Variants in LAMB1 observed in about 807,000 individuals in gnomAD.
LAMB1 encodes laminin subunit beta-1.
Under a neutral mutation model 222.3 loss-of-function variants are expected in LAMB1, and 121 were observed. The observed-to-expected ratio is 0.54, with a 90% CI of 0.47 to 0.63. The LOEUF is 0.63. Ranked by LOEUF, LAMB1 falls within the 30% of genes least tolerant of loss-of-function variation. The pLI, the probability that LAMB1 is intolerant of heterozygous loss-of-function variation, is 0.00. For synonymous variants in LAMB1, 794 were observed against 807.2 expected (o/e 0.98, Z 0.28); for missense variants, 2,172 against 2,240.8 (o/e 0.97, Z 0.62).
intron 21 of LAMB1, among the ~76,000 whole-genome samples, chr7:107,954,911 A>C (rs1043171274): frequency 3.9e-5 from 6 of 152,220 alleles, no homozygotes; most frequent in African/African-American, 1.4e-4. Context: ...AATTATATGC[A>C]AAAAAATTTT....
intron 14 of LAMB1, among the ~76,000 whole-genome samples, chr7:107,964,126 C>T (rs533842024): frequency 9.9e-5 from 15 of 152,240 alleles, no homozygotes; most frequent in East Asian, 5.8e-4. Flanking sequence ...AGGTCGTGTT[C>T]GTGTGGAGAG....
Position 107,929,026 on chromosome 7 carries a change from G to T in LAMB1, c.4887+38C>A. On this transcript the variant is annotated intron_variant, in intron 31 of 33. Transcript: ENST00000222399. Reference sequence around the variant, plus strand: ...TACTTTTCTGGTAAGTGTATATGTAGGTGTGTTCCCATTCATGTAATGATT... The same window carrying T: ...TACTTTTCTGGTAAGTGTATATGTATGTGTGTTCCCATTCATGTAATGATT... 1.9e-6 allele frequency: 3 copies of T among 1,592,236 alleles called. 1 individual carries two copies. The highest frequency in any genetic ancestry group is 8.6e-7 in the Non-Finnish European group (1 of 1,161,348).
At chr7:107,938,416 A>AT (rs34769126) in intron 25 of LAMB1, among the ~76,000 whole-genome samples, 5 of 151,870 alleles carry the variant, frequency 3.3e-5, no homozygotes, top group African/African-American at 7.3e-5. Context: ...AAATGATACA[A>AT]TTTTTTTTAA....
In LAMB1 at chr7:107,935,498, C is replaced by T; in HGVS notation, c.4105G>A (p.Glu1369Lys). Residue 1369 changes from glutamate to lysine, a missense_variant, in exon 27 of 34, where the codon GAA becomes AAA. Transcript: ENST00000222399. The stretch of plus-strand genomic sequence containing the variant: ...AGGCGAGCCTGCTCCTCTTGTTTTT[C>T]CTTGAACTGGGATTCTCGCTCCATC... Reference protein sequence around the residue: ...VMMERESQFKEKQEEQARLLD... With the variant: ...VMMERESQFKKKQEEQARLLD... The T allele has an allele frequency of 6.2e-7, 1 of 1,613,718 alleles. No individual in the cohort carries two copies.
intron 13 of LAMB1, among the ~76,000 whole-genome samples, chr7:107,971,379 T>C (rs1056718808): frequency 1.3e-5 from 2 of 152,218 alleles, no homozygotes; most frequent in South Asian, 2.1e-4. Flanking sequence ...TGATGAGTGA[T>C]TGCAACAAAC....
intron 3 of LAMB1, 126 bp from the exon 4 acceptor site, chr7:107,998,618 G>A (rs2034324681): frequency 2.7e-6 from 2 of 736,722 alleles, no homozygotes; most frequent in Non-Finnish European, 4.3e-6. Context: ...ATAATTGTGT[G>A]AAAATTGCTT....
At chr7:107,986,787 T>C (rs1013533819) in intron 5 of LAMB1, among the ~76,000 whole-genome samples, 7 of 152,242 alleles carry the variant, frequency 4.6e-5, no homozygotes, top group African/African-American at 1.7e-4. Flanking sequence ...ATGTTGTATA[T>C]GTTATACACA....
rs2033302679 is a variant in LAMB1 at position 107,953,433 on chromosome 7, C to T, written c.3079+97G>A. 8 of 954,048 alleles carry T rather than the reference C, an allele frequency of 8.4e-6. No homozygotes were observed. In the South Asian group the frequency reaches 1.1e-4, roughly 13 times the overall value. 59.1% of individuals were successfully genotyped at this position (954,048 alleles called of 1,614,324 possible). ...TTTTACCTCTCTGAACAAGTGTTTT[C>T]CCAAGTGAAATAAATACAGGAAGAA... On this transcript the variant is annotated intron_variant, in intron 22 of 33. Transcript: ENST00000222399.
At chr7:107,925,768 T>C (rs1406171001) in intron 32 of LAMB1, among the ~76,000 whole-genome samples, 2 of 152,146 alleles carry the variant, frequency 1.3e-5, no homozygotes, top group Non-Finnish European at 2.9e-5. Flanking sequence ...TACTACCTGT[T>C]CTCTGTTCCA....
chr7:107,975,886 C>G lies in LAMB1; in HGVS notation c.1001-9G>C. The G allele has an allele frequency of 6.2e-7, 1 of 1,611,892 alleles. No individual in the cohort carries two copies. The highest frequency in any genetic ancestry group is 8.5e-7 in the Non-Finnish European group (1 of 1,178,922). ...TTCATTGCAGTTACATTCTGCGTGA[C>G]AAGAGCAACGTCAAGAAAAGCTTTT... On this transcript the variant is annotated splice_polypyrimidine_tract_variant and intron_variant, in intron 9 of 33. Transcript: ENST00000222399.
In LAMB1 at chr7:107,940,321, C is replaced by G. The variant is rs749665884; in HGVS notation, c.3429G>C (p.Gln1143His). ...CACACTGGCCCGTGGACTGGTCACA[C>G]TGTGGCGTCTCAATGCCCCTGGGGT... Reference protein sequence around the residue: ...DCDPRGIETPQCDQSTGQCVC... With the variant: ...DCDPRGIETPHCDQSTGQCVC... Residue 1143 changes from glutamine to histidine, a missense_variant, in exon 25 of 34, where the codon CAG becomes CAC. Transcript: ENST00000222399. 1.2e-6 allele frequency: 2 copies of G among 1,614,024 alleles called. No individual in the cohort carries two copies. The highest frequency in any genetic ancestry group is 1.1e-5 in the South Asian group (1 of 91,094).
intron 3 of LAMB1, among the ~76,000 whole-genome samples, chr7:108,001,258 A>G (rs2034376510): frequency 6.6e-6 from 1 of 152,260 alleles, no homozygotes; most frequent in South Asian, 2.1e-4. Flanking sequence ...TTCCAAAACT[A>G]AAGTTTTAAA....
intron 5 of LAMB1, among the ~76,000 whole-genome samples, chr7:107,993,509 T>A (rs911181214): frequency 6.6e-6 from 1 of 152,208 alleles, no homozygotes; most frequent in Non-Finnish European, 1.5e-5. Context: ...ACAAGTAAGT[T>A]CATCTTTCTC....
intron 5 of LAMB1, among the ~76,000 whole-genome samples, chr7:107,991,429 A>C (rs1297796090): frequency 6.6e-6 from 1 of 152,078 alleles, no homozygotes; most frequent in Non-Finnish European, 1.5e-5. Context: ...CTCTACTAAA[A>C]ATACAAAAGT....
chr7:108,001,932 C>T, intron 2 of LAMB1, 199 bp from the exon 3 acceptor site: 3 of 1,456,582 alleles, frequency 2.1e-6, no homozygotes, highest in Non-Finnish European at 2.7e-6. Flanking sequence ...GAGAAGGACA[C>T]GGAAAGAAAC....
intron 27 of LAMB1, among the ~76,000 whole-genome samples, chr7:107,934,008 A>G (rs1448987885): frequency 6.6e-6 from 1 of 151,984 alleles, no homozygotes; most frequent in Non-Finnish European, 1.5e-5. Flanking sequence ...TAACTACAAT[A>G]TGTAAGGAAG....
chr7:107,966,214 TA>T (rs750302705), intron 13 of LAMB1, among the ~76,000 whole-genome samples: 9 of 152,128 alleles, frequency 5.9e-5, no homozygotes, highest in Admixed American at 3.9e-4. Flanking sequence ...TTATTATTAT[TA>T]TTTTTTTATT....
intron 24 of LAMB1, among the ~76,000 whole-genome samples, chr7:107,950,408 A>C (rs1328186916): frequency 6.6e-6 from 1 of 152,244 alleles, no homozygotes; most frequent in Non-Finnish European, 1.5e-5. Flanking sequence ...CAGCCTATTC[A>C]GTCTTTTCCA....
At position 107,937,225 on chromosome 7, in the gene LAMB1, A is replaced by T. The variant is rs377388989; in HGVS notation, c.3814T>A (p.Ser1272Thr). 45 of 1,614,050 alleles carry T rather than the reference A, an allele frequency of 2.8e-5. No homozygotes were observed. The highest frequency in any genetic ancestry group is 2.0e-4 in the South Asian group (18 of 91,086). ...EMMAQVEVKL[S>T]DTTSQSNSTA... The stretch of plus-strand genomic sequence containing the variant: ...CTGTTGCTTTGGGAAGTTGTGTCAG[A>T]TAATTTCACTTCTACTTGAGCCATC... Residue 1272 changes from serine to threonine, a missense_variant, in exon 26 of 34, where the codon TCT becomes ACT. Transcript: ENST00000222399.
Sources: allele counts gnomAD v4.1 joint callset (sites outside exome capture counted in the v4.1 genomes callset), GRCh38; gene constraint gnomAD v4.1.1; transcripts MANE v1.5; gene names NCBI Gene and HGNC (gene_info 2026-07-23, HGNC 2026-07-21).